The following ITSN1 variants were observed in gnomAD, a reference collection of about 807,000 sequenced individuals.
ITSN1 encodes the protein intersectin 1.
ITSN1 carries 58 observed loss-of-function variants against 239.8 expected under a neutral mutation model. The observed-to-expected ratio is 0.24, with a 90% CI of 0.20 to 0.30. The LOEUF (loss-of-function observed/expected upper bound fraction) is 0.30. Among genes scored for constraint, ITSN1 ranks in the 10% least tolerant of loss-of-function variants. The probability of loss-of-function intolerance (pLI) is 1.00; values close to 1 mark genes in which losing one functional copy is unlikely to be tolerated. For synonymous variants in ITSN1, 780 were observed against 770.8 expected (o/e 1.01, Z -0.20); for missense variants, 1,558 against 2,103.3 (o/e 0.74, Z 5.07).
chr21:33,646,116 C>T (rs927486014), intron 1 of ITSN1, among the ~76,000 whole-genome samples: 1 of 152,120 alleles, frequency 6.6e-6, no homozygotes, highest in African/African-American at 2.4e-5. Context: ...CATATTAAAG[C>T]CCAGCATATT....
intron 30 of ITSN1, among the ~76,000 whole-genome samples, chr21:33,858,139 C>T (rs541797432): frequency 3.3e-5 from 5 of 152,252 alleles, no homozygotes; most frequent in East Asian, 3.9e-4. Context: ...CCCCTTGTAG[C>T]GGGCCTGCAA....
intron 28 of ITSN1, among the ~76,000 whole-genome samples, chr21:33,836,152 C>T (rs181601410): frequency 2.6e-5 from 4 of 152,238 alleles, no homozygotes; most frequent in East Asian, 3.9e-4. Flanking sequence ...GCACTCAAAA[C>T]GAAAGCCCTC....
At chr21:33,841,423 A>G (rs2074819155) in intron 29 of ITSN1, among the ~76,000 whole-genome samples, 1 of 152,238 alleles carries the variant, frequency 6.6e-6, no homozygotes, top group Middle Eastern at 3.2e-3. Context: ...AGTGAATGAA[A>G]TCAACCGGTG....
chr21:33,834,979 T>C lies in ITSN1; in HGVS notation c.3469+555T>C, dbSNP rs577426641. 2.0e-5 allele frequency among the ~76,000 whole-genome samples: 3 copies of C among 152,220 alleles called. No individual in the cohort carries two copies. The East Asian group carries it at 5.8e-4, about 29-fold the overall frequency. On this transcript the variant is annotated intron_variant, in intron 28 of 39. Coordinates refer to ENST00000381318, the MANE Select transcript of ITSN1 (RefSeq NM_003024.3). ...GAACAGAGCACAGCAGTTGGCCCAG[T>C]TGGCTATTTTCTGATTGAAGGGACC...
chr21:33,803,566 C>T (rs79736174), intron 20 of ITSN1, among the ~76,000 whole-genome samples: 5 of 152,030 alleles, frequency 3.3e-5, no homozygotes, highest in African/African-American at 9.7e-5. Context: ...CATTTTGGTT[C>T]GAAATAAAAC....
At chr21:33,870,248 T>C (rs1982478581) in intron 33 of ITSN1, among the ~76,000 whole-genome samples, 1 of 152,250 alleles carries the variant, frequency 6.6e-6, no homozygotes, top group South Asian at 2.1e-4. Flanking sequence ...ATTAGCTCAG[T>C]ACTTCTCTTT....
At chr21:33,773,775 G>A (rs1325374036) in intron 12 of ITSN1, among the ~76,000 whole-genome samples, 1 of 151,896 alleles carries the variant, frequency 6.6e-6, no homozygotes, top group Non-Finnish European at 1.5e-5. Context: ...CACCTCCTGG[G>A]TTCAAGTGAT....
At chr21:33,876,198 TCC>T (rs59059184) in intron 34 of ITSN1, among the ~76,000 whole-genome samples, 10 of 76,848 alleles carry the variant, frequency 1.3e-4, no homozygotes, top group South Asian at 1.1e-3. Flanking sequence ...TCTCTCTTTC[TCC>T]TTCCTTCCTC....
At chr21:33,782,735 T>C (rs2070300317) in intron 16 of ITSN1, among the ~76,000 whole-genome samples, 3 of 152,078 alleles carry the variant, frequency 2.0e-5, no homozygotes, top group Non-Finnish European at 4.4e-5. Flanking sequence ...CTTAAGAATG[T>C]TAATTCTTGG....
chr21:33,825,438 G>C (rs977966804), intron 25 of ITSN1, among the ~76,000 whole-genome samples: 1 of 152,164 alleles, frequency 6.6e-6, no homozygotes, highest in Non-Finnish European at 1.5e-5. Context: ...TCAGATACCA[G>C]AACTGACGTC....
chr21:33,805,889 G>A (rs2072385558), intron 20 of ITSN1, among the ~76,000 whole-genome samples: 1 of 148,972 alleles, frequency 6.7e-6, no homozygotes, highest in Middle Eastern at 3.4e-3. Flanking sequence ...AGCCAGGATG[G>A]TCTCAATCTC....
At chr21:33,816,322 C>G (rs996197072) in intron 22 of ITSN1, among the ~76,000 whole-genome samples, 8 of 152,172 alleles carry the variant, frequency 5.3e-5, no homozygotes, top group African/African-American at 1.9e-4. Context: ...ATATAGCTCA[C>G]CACTGTTATT....
At chr21:33,887,697 C>T (rs1569348089) in intron 39 of ITSN1, among the ~76,000 whole-genome samples, 1 of 152,208 alleles carries the variant, frequency 6.6e-6, no homozygotes, top group African/African-American at 2.4e-5. Flanking sequence ...CCTCCACCTC[C>T]CAGGCTCAAG....
intron 14 of ITSN1, among the ~76,000 whole-genome samples, chr21:33,780,425 A>C (rs1349969583): frequency 6.6e-6 from 1 of 152,206 alleles, no homozygotes; most frequent in Non-Finnish European, 1.5e-5. Flanking sequence ...TTTGGAGATA[A>C]GTCAGATCTG....
intron 22 of ITSN1, chr21:33,817,343 G>A (rs768410450): frequency 1.9e-5 from 25 of 1,304,200 alleles, no homozygotes; most frequent in Admixed American, 9.2e-5. Context: ...CCCATGCTGC[G>A]CCCTCGGCCT....
At chr21:33,752,118 A>G (rs887981291) in intron 7 of ITSN1, among the ~76,000 whole-genome samples, 1 of 151,822 alleles carries the variant, frequency 6.6e-6, no homozygotes, top group African/African-American at 2.4e-5. Context: ...TCAAGGACAT[A>G]ACATTTCCTT....
rs1046854385 is a variant in ITSN1, at chr21:33,649,853, A to G, written c.-33+7140A>G. Among the ~76,000 whole-genome samples, 121 of 151,524 alleles carry G rather than the reference A, an allele frequency of 8.0e-4. 2 individuals are homozygous for G. The highest frequency in any genetic ancestry group is 2.6e-4 in the Admixed American group (4 of 15,220). The stretch of plus-strand genomic sequence containing the variant: ...AACATGGTGAAACCCCATCTCTACT[A>G]AAAAATACAAAAATTAGGCGGGCGT... On this transcript the variant is annotated intron_variant, in intron 1 of 39. Coordinates refer to ENST00000381318, the MANE Select transcript of ITSN1 (RefSeq NM_003024.3).
chr21:33,734,362 A>G (rs755935258), intron 4 of ITSN1, among the ~76,000 whole-genome samples: 60 of 152,188 alleles, frequency 3.9e-4, no homozygotes, highest in Non-Finnish European at 7.5e-4. Context: ...TGGACCGTGT[A>G]TATTTGAGTA....
intron 3 of ITSN1, among the ~76,000 whole-genome samples, chr21:33,721,719 T>C (rs2065496004): frequency 6.6e-6 from 1 of 151,004 alleles, no homozygotes; most frequent in Admixed American, 6.6e-5. Context: ...GTTTGAACCC[T>C]AGAGGCAGAG....
Sources: gnomAD v4.1 joint callset for allele counts (sites outside exome capture counted in the v4.1 genomes callset) on GRCh38, gnomAD v4.1.1 for gene constraint, MANE v1.5 for transcripts, NCBI Gene and HGNC (gene_info 2026-07-23, HGNC 2026-07-21) for gene names.